The following PCDHA4 variants were observed in gnomAD, a reference collection of about 807,000 sequenced individuals.
PCDHA4 encodes the protein protocadherin alpha-4.
PCDHA4 carries 49 observed loss-of-function variants against 61.4 expected under a neutral mutation model. The ratio of observed to expected loss-of-function variants is 0.80; its 90% confidence interval spans 0.63 to 1.01. The LOEUF is 1.01. Ranked by LOEUF, PCDHA4 falls within the 50% of genes least tolerant of loss-of-function variation. PCDHA4 has a pLI of 0.00. For missense variants in PCDHA4, 1,254 were observed against 1,235.8 expected, an observed-to-expected ratio of 1.01 and a Z score of -0.22; for synonymous variants, 590 against 550.3, an observed-to-expected ratio of 1.07 and a Z score of -1.01.
chr5:140,947,551 C>G (rs1203978810), intron 1 of PCDHA4, among the ~76,000 whole-genome samples: 3 of 151,488 alleles, frequency 2.0e-5, no homozygotes, highest in Non-Finnish European at 4.4e-5. Context: ...AAGAATTCCG[C>G]TGGGATTTAT....
chr5:140,883,126 G>A (rs781992873), intron 1 of PCDHA4: 2 of 1,614,036 alleles, frequency 1.2e-6, no homozygotes, highest in South Asian at 1.1e-5. Context: ...GGCCTGTATG[G>A]CCTGCAGTGG....
rs183514123 is a variant in PCDHA4 at position 140,818,784 on chromosome 5, T to A, written c.2385+9212T>A. On this transcript the variant is annotated intron_variant, in intron 1 of 3. Transcript: ENST00000530339. ...GCCTGAGGCTGCAATGAACTTTGAC[T>A]GTACCACTGCACTCCAGCCTCGGTC... Among the ~76,000 whole-genome samples, 13 of 152,338 alleles carry A rather than the reference T, an allele frequency of 8.5e-5. No homozygotes were observed. The East Asian group carries it at 2.3e-3, about 27-fold the overall frequency.
At position 140,842,785 on chromosome 5, in the gene PCDHA4, G is replaced by A. The variant is rs2150344223; in HGVS notation, c.2385+33213G>A. 4 of 1,594,390 alleles carry A rather than the reference G, an allele frequency of 2.5e-6. 1 individual carries two copies. The highest frequency in any genetic ancestry group is 3.4e-5 in the Admixed American group (2 of 59,288). ...GAGACGCGGACGCGCAGGAGAACGCGCTGGTGTCCTACTCGCTTGTGGAGC... is the reference window on the plus strand; with the variant it reads ...GAGACGCGGACGCGCAGGAGAACGCACTGGTGTCCTACTCGCTTGTGGAGC... On this transcript the variant is annotated intron_variant, in intron 1 of 3. Transcript: ENST00000530339.
chr5:140,818,485 C>T (rs186981491), intron 1 of PCDHA4, among the ~76,000 whole-genome samples: 1 of 152,328 alleles, frequency 6.6e-6, no homozygotes, highest in Non-Finnish European at 1.5e-5. Context: ...TTTTCACTCA[C>T]TTGATCTTGG....
rs547166699 is a variant in PCDHA4 at position 140,982,068 on chromosome 5, TTAGAG to T, written c.2445-401_2445-397del. On this transcript the variant is annotated intron_variant, in intron 2 of 3. Transcript: ENST00000530339. ...AAAATATTTTAGTGTGTTTTCTTCT[TTAGAG>T]TAGAGAACCTAGGAACAAGAGAACC... 3.5e-3 allele frequency among the ~76,000 whole-genome samples: 532 copies of T among 152,340 alleles called. 2 individuals carry two copies. Among genetic ancestry groups the T allele is most frequent in the Non-Finnish European group, 5.4e-3 (369 of 68,028 alleles).
intron 1 of PCDHA4, among the ~76,000 whole-genome samples, chr5:140,957,961 G>C (rs1188264296): frequency 6.6e-6 from 1 of 152,048 alleles, no homozygotes; most frequent in Non-Finnish European, 1.5e-5. Flanking sequence ...TATTAATTCA[G>C]AGATGCTGTA....
At chr5:140,897,451 TC>T (rs2066120094) in intron 1 of PCDHA4, among the ~76,000 whole-genome samples, 1 of 151,584 alleles carries the variant, frequency 6.6e-6, no homozygotes, top group Non-Finnish European at 1.5e-5. Context: ...TGGTTTTTTG[TC>T]CTTGCGATAG....
chr5:140,928,372 G>T (rs782494631), intron 1 of PCDHA4: 5 of 1,614,136 alleles, frequency 3.1e-6, no homozygotes, highest in Non-Finnish European at 4.2e-6. Flanking sequence ...AGGGCCATCA[G>T]CCTCTAGCTT....
At chr5:140,868,922 C>A in intron 1 of PCDHA4, 2 of 1,015,106 alleles carry the variant, frequency 2.0e-6, no homozygotes, top group Non-Finnish European at 2.8e-6. Flanking sequence ...GTGGAAAGTT[C>A]ATTTAAAGGT....
chr5:140,922,735 G>C (rs1370700616), intron 1 of PCDHA4, among the ~76,000 whole-genome samples: 1 of 152,078 alleles, frequency 6.6e-6, no homozygotes, highest in Non-Finnish European at 1.5e-5. Context: ...ACAAGGTTGA[G>C]AAAAATAAAT....
At chr5:140,933,262 T>G (rs2088985963) in intron 1 of PCDHA4, among the ~76,000 whole-genome samples, 1 of 152,012 alleles carries the variant, frequency 6.6e-6, no homozygotes, top group South Asian at 2.1e-4. Flanking sequence ...AAAAGGTTAT[T>G]ATATATTCAT....
chr5:140,870,198 C>A, intron 1 of PCDHA4: 2 of 1,614,172 alleles, frequency 1.2e-6, no homozygotes, highest in Non-Finnish European at 1.7e-6. Flanking sequence ...CTCAGCCCAG[C>A]ACGGTCATTG....
chr5:140,830,372 G>GGGGAGGGCCCACC, intron 1 of PCDHA4: 1 of 1,614,136 alleles, frequency 6.2e-7, no homozygotes, highest in Non-Finnish European at 8.5e-7. Context: ...GGTGTGCTCC[G>GGGGAGGGCCCACC]GGGAGGGCCC....
At chr5:140,876,153 G>T in intron 1 of PCDHA4, 2 of 1,613,964 alleles carry the variant, frequency 1.2e-6, no homozygotes, top group South Asian at 2.2e-5. Context: ...GGTCTGTCCA[G>T]ATTCAAATAA....
In PCDHA4 at chr5:140,809,469, G is replaced by T. The variant is rs1655310932; in HGVS notation, c.2282G>T (p.Gly761Val). 1 of 1,614,250 alleles carries T rather than the reference G, an allele frequency of 6.2e-7. No individual in the cohort carries two copies. The highest frequency in any genetic ancestry group is 1.1e-5 in the South Asian group (1 of 91,086). The stretch of plus-strand genomic sequence containing the variant: ...CAGAGGAGGCCGAGGGTGTGCTCTG[G>T]TGAGGGCCCACCCAAGACCGACCTC... Reference protein sequence around the residue: ...SQQRRPRVCSGEGPPKTDLMA... With the variant: ...SQQRRPRVCSVEGPPKTDLMA... The change falls in exon 1 of 4, where the codon GGT (glycine) becomes GTT (valine). Residue 761 changes from glycine to valine, a missense_variant. Coordinates refer to ENST00000530339, the MANE Select transcript of PCDHA4 (RefSeq NM_018907.4).
intron 1 of PCDHA4, chr5:140,884,030 G>A: frequency 6.2e-7 from 1 of 1,613,438 alleles, no homozygotes; most frequent in Non-Finnish European, 8.5e-7. Flanking sequence ...GGTGGGTGCA[G>A]GCCACGTGGT....
chr5:140,842,157 A>C, intron 1 of PCDHA4: 1 of 1,613,874 alleles, frequency 6.2e-7, no homozygotes, highest in Non-Finnish European at 8.5e-7. Flanking sequence ...GCAATTTCAT[A>C]TTCTTTTAAT....
chr5:140,917,294 G>A (rs1369973116), intron 1 of PCDHA4, among the ~76,000 whole-genome samples: 2 of 143,498 alleles, frequency 1.4e-5, no homozygotes, highest in Non-Finnish European at 3.0e-5. Flanking sequence ...TCCGTGTGCA[G>A]ATAGTTGTTA....
chr5:140,947,948 T>C (rs2094196051), intron 1 of PCDHA4, among the ~76,000 whole-genome samples: 1 of 151,586 alleles, frequency 6.6e-6, no homozygotes, highest in South Asian at 2.1e-4. Context: ...AAGTGTTCCA[T>C]ATTTTACAAT....
Sources: gnomAD v4.1 joint callset for allele counts (sites outside exome capture counted in the v4.1 genomes callset) on GRCh38, gnomAD v4.1.1 for gene constraint, MANE v1.5 for transcripts, NCBI Gene and HGNC (gene_info 2026-07-23, HGNC 2026-07-21) for gene names.